CCDC86: variants seen among roughly 807,000 people sequenced by gnomAD.
CCDC86 encodes the protein coiled-coil domain containing 86.
Under a neutral mutation model 36.7 loss-of-function variants are expected in CCDC86, and 28 were observed. The ratio of observed to expected loss-of-function variants is 0.76; its 90% CI spans 0.57 to 1.05. The LOEUF (loss-of-function observed/expected upper bound fraction) is 1.05, where lower values mean the gene tolerates loss of function less well. Ranked by LOEUF, CCDC86 falls within the 50% of genes least tolerant of loss-of-function variation. CCDC86 has a pLI of 0.00. For synonymous variants in CCDC86, 199 were observed against 203.4 expected (o/e 0.98, Z 0.18); for missense variants, 453 against 470.2 (o/e 0.96, Z 0.34).
intron 2 of CCDC86, among the ~76,000 whole-genome samples, chr11:60,848,404 G>A (rs1855214403): frequency 6.6e-6 from 1 of 152,064 alleles, no homozygotes; most frequent in Non-Finnish European, 1.5e-5. Context: ...GCCCTTTGCT[G>A]GGACGTACTC....
Position 60,842,745 on chromosome 11 carries a change from C to A in CCDC86, c.621C>A (p.Gly207=). The A allele has an allele frequency of 6.2e-7, 1 of 1,613,486 alleles. No homozygotes were observed. The highest frequency in any genetic ancestry group is 8.5e-7 in the Non-Finnish European group (1 of 1,179,572). The change falls in exon 1 of 4, where the codon GGC becomes GGA. Residue 207 remains glycine, a synonymous_variant. Coordinates refer to ENST00000227520, the MANE Select transcript of CCDC86 (RefSeq NM_024098.4). ...KPPPAGETVT[G]GFGAKKRKGS... ...CTCCAGCTGGGGAGACGGTGACAGG[C>A]GGCTTCGGGGCAAAGAAGCGAAAAG...
At chr11:60,849,734 G>A (rs1036047791) in intron 2 of CCDC86, among the ~76,000 whole-genome samples, 1 of 152,180 alleles carries the variant, frequency 6.6e-6, no homozygotes, top group African/African-American at 2.4e-5. Flanking sequence ...CATGCTATCA[G>A]GAGCTTCCAC....
chr11:60,847,887 C>T (rs1012226202), intron 1 of CCDC86, 37 bp from the exon 2 acceptor site: 8 of 1,583,414 alleles, frequency 5.1e-6, no homozygotes, highest in Non-Finnish European at 6.9e-6. Context: ...GGCGCTTGCC[C>T]CACAGACCCT....
At chr11:60,847,732 G>T in intron 1 of CCDC86, 192 bp from the exon 2 acceptor site, 1 of 572,020 alleles carries the variant, frequency 1.7e-6, no homozygotes, top group Non-Finnish European at 3.0e-6. Flanking sequence ...TTGAGAAATG[G>T]CAGCCAGCAC....
intron 1 of CCDC86, among the ~76,000 whole-genome samples, chr11:60,843,541 C>T (rs1855150091): frequency 6.6e-6 from 1 of 152,204 alleles, no homozygotes; most frequent in Admixed American, 6.5e-5. Context: ...TTTACCCAAT[C>T]CCTGTAGATC....
chr11:60,847,002 C>T (rs1055281920), intron 1 of CCDC86, among the ~76,000 whole-genome samples: 1 of 152,128 alleles, frequency 6.6e-6, no homozygotes, highest in Non-Finnish European at 1.5e-5. Flanking sequence ...CTAAAATCAT[C>T]GTTGCTCTTT....
intron 1 of CCDC86, among the ~76,000 whole-genome samples, chr11:60,844,807 C>T (rs1444994668): frequency 6.6e-6 from 1 of 152,166 alleles, no homozygotes. Flanking sequence ...GGGTAGGGCA[C>T]TAAGCTGAAC....
At chr11:60,843,749 C>T (rs1324851920) in intron 1 of CCDC86, among the ~76,000 whole-genome samples, 1 of 152,168 alleles carries the variant, frequency 6.6e-6, no homozygotes, top group Non-Finnish European at 1.5e-5. Context: ...ATGGGAACCA[C>T]AGGGGAGAGT....
intron 2 of CCDC86, among the ~76,000 whole-genome samples, chr11:60,849,011 C>T (rs997988260): frequency 6.6e-6 from 1 of 152,214 alleles, no homozygotes; most frequent in African/African-American, 2.4e-5. Flanking sequence ...TCCTGCCCAG[C>T]CCCCAGCCCG....
chr11:60,843,992 A>T (rs1021503924), intron 1 of CCDC86, among the ~76,000 whole-genome samples: 24 of 152,202 alleles, frequency 1.6e-4, no homozygotes, highest in African/African-American at 5.8e-4. Context: ...CTGTTGGAGA[A>T]GTGGATGATG....
Position 60,842,639 on chromosome 11 carries a change from C to T in CCDC86, c.515C>T (p.Pro172Leu), listed in dbSNP as rs745615187. 5.0e-6 allele frequency: 8 copies of T among 1,613,738 alleles called. No individual in the cohort carries two copies. In the African/African-American group the frequency reaches 8.0e-5, roughly 16 times the overall value. The change falls in exon 1 of 4, where the codon CCG (proline) becomes CTG (leucine). Residue 172 changes from proline to leucine, a missense_variant. Physicochemically the swap from Pro to Leu is moderately conservative, Grantham distance 98. Coordinates refer to ENST00000227520, the MANE Select transcript of CCDC86 (RefSeq NM_024098.4). ...TACCCCGGTCAGCAAGCTCCCGGTC[C>T]GGAGCCCTCTCAGCCACTACTGGAG... ...EPYPGQQAPG[P>L]EPSQPLLELT... is the part of the protein sequence containing the mutation.
In CCDC86 at chr11:60,849,963, G is replaced by A. The variant is rs746946850; in HGVS notation, c.912G>A (p.Glu304=). The A allele has an allele frequency of 6.2e-7, 1 of 1,614,200 alleles. No individual in the cohort carries two copies. Among genetic ancestry groups the A allele is most frequent in the Non-Finnish European group, 8.5e-7 (1 of 1,180,040 alleles). The stretch of plus-strand genomic sequence containing the variant: ...AGGAGAAGAAACAGCGCCGGGCTGA[G>A]AACCTGAAACGCCGCCTGGAGAATG... ...RRQEKKQRRA[E]NLKRRLENER... The change falls in exon 3 of 4, where the codon GAG becomes GAA. Residue 304 remains glutamate (E), a synonymous_variant. Transcript: ENST00000227520.
At chr11:60,842,977 T>C (rs1855143636) in intron 1 of CCDC86, 95 bp downstream of exon 1, 3 of 1,441,380 alleles carry the variant, frequency 2.1e-6, no homozygotes, top group Non-Finnish European at 2.8e-6. Flanking sequence ...GCCCCAGGGT[T>C]AGAGAGAGCT....
chr11:60,844,364 T>C (rs1431607665), intron 1 of CCDC86, among the ~76,000 whole-genome samples: 2 of 152,206 alleles, frequency 1.3e-5, no homozygotes, highest in Admixed American at 6.5e-5. Flanking sequence ...ACTCAGAGCA[T>C]GCACTCCAGA....
At chr11:60,846,986 G>A (rs544158574) in intron 1 of CCDC86, among the ~76,000 whole-genome samples, 72 of 152,204 alleles carry the variant, frequency 4.7e-4, no homozygotes, top group African/African-American at 1.5e-3. Flanking sequence ...CAGTTCTCCT[G>A]TAACTCTAAA....
intron 1 of CCDC86, among the ~76,000 whole-genome samples, chr11:60,846,494 A>T (rs1412463168): frequency 6.6e-6 from 1 of 152,118 alleles, no homozygotes; most frequent in East Asian, 1.9e-4. Flanking sequence ...AAAGCTCTCA[A>T]GTCCCCATTA....
rs776818005 is a variant in CCDC86 at position 60,842,788 on chromosome 11, C to T, written c.664C>T (p.Pro222Ser). ...GCGAAAAGGTTCTTCATCCCAGGCC[C>T]CAGCGTCCAAGAAGTTGAATAAAGA... ...KKRKGSSSQA[P>S]ASKKLNKEEL... The change falls in exon 1 of 4, where the codon CCA becomes TCA. Residue 222 changes from proline (P) to serine (S), a missense_variant. Transcript: ENST00000227520. 2 of 1,612,322 alleles carry T rather than the reference C, an allele frequency of 1.2e-6. No homozygotes were observed. The highest frequency in any genetic ancestry group is 4.5e-5 in the East Asian group (2 of 44,830).
chr11:60,845,139 G>A (rs1487168952), intron 1 of CCDC86, among the ~76,000 whole-genome samples: 1 of 152,196 alleles, frequency 6.6e-6, no homozygotes, highest in East Asian at 1.9e-4. Flanking sequence ...CAACAGGAAA[G>A]GGATGTTCAG....
At chr11:60,848,500 G>A (rs376519340) in intron 2 of CCDC86, among the ~76,000 whole-genome samples, 6 of 152,130 alleles carry the variant, frequency 3.9e-5, no homozygotes, top group South Asian at 2.1e-4. Context: ...CACCAGCAAC[G>A]TGGATGGCCC....
Sources: allele counts gnomAD v4.1 joint callset (sites outside exome capture counted in the v4.1 genomes callset), GRCh38; gene constraint gnomAD v4.1.1; transcripts MANE v1.5; gene names NCBI Gene and HGNC (gene_info 2026-07-23, HGNC 2026-07-21).